The following KRT6A variants were observed in gnomAD, a reference collection of about 807,000 sequenced individuals.
The protein encoded by KRT6A is keratin, type II cytoskeletal 6A.
KRT6A carries 28 observed loss-of-function variants against 48.6 expected under a neutral mutation model. The observed-to-expected ratio is 0.58, with a 90% confidence interval of 0.43 to 0.79. The LOEUF (loss-of-function observed/expected upper bound fraction) is 0.79. Ranked by LOEUF, KRT6A falls within the 30% of genes least tolerant of loss-of-function variation. The pLI, the probability that KRT6A is intolerant of heterozygous loss-of-function variation, is 0.00. For synonymous variants in KRT6A, 301 were observed against 294.2 expected, an observed-to-expected ratio of 1.02 and a Z score of -0.24; for missense variants, 687 against 724.3, an observed-to-expected ratio of 0.95 and a Z score of 0.59.
Position 52,492,966 on chromosome 12 carries a change from C to T in KRT6A, c.223G>A (p.Gly75Ser), listed in dbSNP as rs1388503469. The T allele has an allele frequency of 6.2e-7, 1 of 1,610,262 alleles. No homozygotes were observed. The highest frequency in any genetic ancestry group is 8.5e-7 in the Non-Finnish European group (1 of 1,178,876). The change falls in exon 1 of 9, where the codon GGC (glycine) becomes AGC (serine). Residue 75 changes from glycine to serine, a missense_variant. Around this residue, in one of 3 missense-constraint regions of KRT6A, gnomAD observed 49 missense variants for 97.3 expected, o/e 0.50. Coordinates refer to ENST00000330722, the MANE Select transcript of KRT6A (RefSeq NM_005554.4). Reference protein sequence around the residue: ...GGSKRISIGGGSCAISGGYGS... With the variant: ...GGSKRISIGGSSCAISGGYGS... Reference sequence around the variant, plus strand: ...TAGCCGCCACTGATGGCACAGCTGCCCCCTCCAATGGAGATCCTCTTGGAG... The same window carrying T: ...TAGCCGCCACTGATGGCACAGCTGCTCCCTCCAATGGAGATCCTCTTGGAG...
Position 52,489,782 on chromosome 12 carries a change from C to T in KRT6A, c.1203+161G>A, listed in dbSNP as rs528340461. 12 of 1,158,026 alleles carry T rather than the reference C, an allele frequency of 1.0e-5. No homozygotes were observed. In the Admixed American group the frequency reaches 2.4e-4, roughly 23 times the overall value. The allele number at this position is 1,158,026 out of a possible 1,614,324, so 71.7% of individuals were successfully genotyped here. On this transcript the variant is annotated intron_variant, in intron 6 of 8. Coordinates refer to ENST00000330722, the MANE Select transcript of KRT6A (RefSeq NM_005554.4). ...GTTTGTGTCATGCCATAGGTAGGAT[C>T]TATGTCTCCTAAGCAGCAGGTACCC...
Position 52,490,946 on chromosome 12 carries a change from T to C in KRT6A, c.824A>G (p.Asp275Gly). 1.9e-6 allele frequency: 3 copies of C among 1,613,972 alleles called. No individual in the cohort carries two copies. The highest frequency in any genetic ancestry group is 2.5e-6 in the Non-Finnish European group (3 of 1,179,880). ...NEFVTLKKDV[D>G]AAYMNKVELQ... ...TTCAACCTTGTTCATGTAGGCAGCA[T>C]CCACATCCTGGGGAAAGAGCCAACA... Residue 275 changes from aspartate to glycine, a missense_variant, in exon 4 of 9, where the codon GAT (aspartate) becomes GGT (glycine). Around this residue, in one of 3 missense-constraint regions of KRT6A, gnomAD observed 566 missense variants for 565.3 expected, o/e 1.00. Transcript: ENST00000330722.
At position 52,490,575 on chromosome 12, in the gene KRT6A, C is replaced by T. The variant is rs1938242034; in HGVS notation, c.1071G>A (p.Gln357=). ...RSRAEAESWY[Q]TKYEELQVTA... is the part of the protein sequence containing the mutation. ...CTGCCCACTCCCTGCTCACCTTGGT[C>T]TGGTACCAGGACTCAGCCTCAGCCC... Residue 357 remains glutamine, a synonymous_variant, in exon 5 of 9, where the codon CAG becomes CAA. Coordinates refer to ENST00000330722, the MANE Select transcript of KRT6A (RefSeq NM_005554.4). 1 of 1,614,220 alleles carries T rather than the reference C, an allele frequency of 6.2e-7. No individual in the cohort carries two copies. Among genetic ancestry groups the T allele is most frequent in the Non-Finnish European group, 8.5e-7 (1 of 1,180,040 alleles).
At chr12:52,492,579 G>C in intron 1 of KRT6A, 70 bp downstream of exon 1, 1 of 1,612,630 alleles carries the variant, frequency 6.2e-7, no homozygotes. Flanking sequence ...AGGTCTCCCT[G>C]GCAGGAAGGT....
chr12:52,488,143 C>T (rs1166447686), intron 7 of KRT6A, 40 bp from the exon 8 acceptor site: 2 of 1,613,972 alleles, frequency 1.2e-6, no homozygotes, highest in Admixed American at 1.7e-5. Flanking sequence ...CCTCAGAGAG[C>T]TCTTCCTTCC....
chr12:52,492,560 C>T (rs1226456482), intron 1 of KRT6A, 89 bp downstream of exon 1: 4 of 1,610,184 alleles, frequency 2.5e-6, no homozygotes, highest in African/African-American at 1.3e-5. Flanking sequence ...CCTCTTCTCC[C>T]TCCCTCCTAG....
chr12:52,491,003 C>G, intron 3 of KRT6A, 50 bp from the exon 4 acceptor site: 1 of 1,613,898 alleles, frequency 6.2e-7, no homozygotes, highest in Non-Finnish European at 8.5e-7. Flanking sequence ...CCTTTCCAAT[C>G]TACCCATCTT....
chr12:52,487,819 G>A lies in KRT6A; in HGVS notation c.1596C>T (p.Gly532=). ...GVGGGFSSSS[G]RAIGGGLSSV... is the part of the protein sequence containing the mutation. ...AGCTGAGGCCACCCCCAATGGCTCTGCCACTGCTGGAACTGAAGCCACCTC... is the reference window on the plus strand; with the variant it reads ...AGCTGAGGCCACCCCCAATGGCTCTACCACTGCTGGAACTGAAGCCACCTC... The change falls in exon 9 of 9, where the codon GGC becomes GGT. Residue 532 remains glycine, a synonymous_variant. Coordinates refer to ENST00000330722, the MANE Select transcript of KRT6A (RefSeq NM_005554.4). 1.2e-6 allele frequency: 2 copies of A among 1,614,090 alleles called. No homozygotes were observed. The highest frequency in any genetic ancestry group is 1.1e-5 in the South Asian group (1 of 91,078).
In KRT6A at chr12:52,487,303, G is replaced by A. The variant is rs1039436946; in HGVS notation, c.*417C>T. 2 of 270,138 alleles carry A rather than the reference G, an allele frequency of 7.4e-6. No individual in the cohort carries two copies. Among genetic ancestry groups the A allele is most frequent in the African/African-American group, 4.4e-5 (2 of 45,414 alleles). 16.7% of individuals were successfully genotyped at this position (270,138 alleles called of 1,614,324 possible). A position where few individuals can be genotyped will look rare whatever the true frequency, so the allele number is the denominator to read the frequency against. ...CTTTCATGGATACTGCCTGGGTGGG[G>A]GTTCACAACACTTATAAGTTAGAGA... On this transcript the variant is annotated 3_prime_UTR_variant, in exon 9 of 9. Coordinates refer to ENST00000330722, the MANE Select transcript of KRT6A (RefSeq NM_005554.4).
At chr12:52,488,695 T>C (rs988912538) in intron 6 of KRT6A, 147 bp from the exon 7 acceptor site, 6 of 1,159,082 alleles carry the variant, frequency 5.2e-6, no homozygotes, top group South Asian at 1.4e-5. Context: ...TTTTTTTTTT[T>C]ATTTTGCAGT....
At position 52,488,322 on chromosome 12, in the gene KRT6A, A is replaced by G; in HGVS notation, c.1424+6T>C. 6.2e-7 allele frequency: 1 copy of G among 1,614,114 alleles called. No homozygotes were observed. Among genetic ancestry groups the G allele is most frequent in the Admixed American group, 1.7e-5 (1 of 60,028 alleles). On this transcript the variant is annotated splice_donor_region_variant and intron_variant, in intron 7 of 8. Coordinates refer to ENST00000330722, the MANE Select transcript of KRT6A (RefSeq NM_005554.4). ...GCTGTTGAAGGAGTTCGTGTCAGTT[A>G]CCCACCTGCACTCCTCACCCTCCAG... is the stretch of plus-strand genomic sequence containing the variant.
intron 6 of KRT6A, among the ~76,000 whole-genome samples, chr12:52,489,581 A>ATGTTTTGTTT (rs567648568): frequency 6.6e-6 from 1 of 152,064 alleles, no homozygotes; most frequent in Non-Finnish European, 1.5e-5. Flanking sequence ...ACAAGGCTGT[A>ATGTTTTGTTT]TGTTTTGTTT....
intron 6 of KRT6A, 136 bp from the exon 7 acceptor site, chr12:52,488,684 G>GT (rs59471048): frequency 0.29 from 286,333 of 996,734 alleles, 15,094 homozygotes; most frequent in East Asian, 0.46. Context: ...CCTATCTATT[G>GT]TTTTTTTTTT....
intron 6 of KRT6A, among the ~76,000 whole-genome samples, chr12:52,489,207 C>A (rs1295275089): frequency 6.6e-6 from 1 of 152,242 alleles, no homozygotes; most frequent in African/African-American, 2.4e-5. Flanking sequence ...AGGCCACATG[C>A]AGCCCAGGAT....
chr12:52,492,396 T>A (rs769168460), intron 1 of KRT6A, among the ~76,000 whole-genome samples: 9 of 152,232 alleles, frequency 5.9e-5, no homozygotes, highest in Non-Finnish European at 2.9e-5. Context: ...CATTCTCTGA[T>A]GGCCTCATCT....
Position 52,488,381 on chromosome 12 carries a change from G to C in KRT6A, c.1371C>G (p.Ala457=), listed in dbSNP as rs371399727. 9 of 1,614,074 alleles carry C rather than the reference G, an allele frequency of 5.6e-6. No homozygotes were observed. Among genetic ancestry groups the C allele is most frequent in the Non-Finnish European group, 7.6e-6 (9 of 1,180,020 alleles). ...GGTAGGTGGCGATCTCCACGTCCAGGGCCAGCTTGACATTCATCAGCTCCT... is the reference window on the plus strand; with the variant it reads ...GGTAGGTGGCGATCTCCACGTCCAGCGCCAGCTTGACATTCATCAGCTCCT... The part of the protein sequence containing the change: ...EYQELMNVKL[A]LDVEIATYRK... Residue 457 remains alanine, a synonymous_variant, in exon 7 of 9, where the codon GCC becomes GCG. Transcript: ENST00000330722.
intron 6 of KRT6A, among the ~76,000 whole-genome samples, chr12:52,489,602 T>C (rs1008578954): frequency 6.6e-6 from 1 of 152,226 alleles, no homozygotes; most frequent in African/African-American, 2.4e-5. Flanking sequence ...TGTTTTGTTT[T>C]AGCTTATCAG....
chr12:52,492,285 C>T (rs781236108), intron 1 of KRT6A, among the ~76,000 whole-genome samples: 9 of 151,990 alleles, frequency 5.9e-5, no homozygotes, highest in Non-Finnish European at 1.0e-4. Flanking sequence ...TCTTTTGTTT[C>T]CAATATTTTT....
chr12:52,490,376 C>T (rs537272161), intron 5 of KRT6A, 193 bp downstream of exon 5: 5 of 1,044,462 alleles, frequency 4.8e-6, no homozygotes, highest in South Asian at 4.3e-5. Context: ...GGTAGCTTTC[C>T]TCCTGCATTG....
Sources: allele counts gnomAD v4.1 joint callset (sites outside exome capture counted in the v4.1 genomes callset), GRCh38; gene constraint gnomAD v4.1.1; regional missense constraint gnomAD v4.1.1; transcripts MANE v1.5; gene names NCBI Gene and HGNC (gene_info 2026-07-23, HGNC 2026-07-21).